Variants in GBE1 observed in about 807,000 individuals in gnomAD.
GBE1 encodes 1,4-alpha-glucan-branching enzyme.
A neutral mutation model predicts 88.8 loss-of-function variants in GBE1; 70 were observed. That is an observed-to-expected ratio of 0.79 (90% CI 0.65 to 0.96). GBE1 has a LOEUF of 0.96. Ranked by LOEUF, GBE1 falls within the 40% of genes least tolerant of loss-of-function variation. The pLI is 0.00. For synonymous variants in GBE1, 284 were observed against 300.1 expected (o/e 0.95, Z 0.56); for missense variants, 872 against 871.0 (o/e 1.00, Z -0.01).
intron 1 of GBE1, among the ~76,000 whole-genome samples, chr3:81,750,669 A>G (rs1277160279): frequency 1.2e-5 from 1 of 80,124 alleles, no homozygotes; most frequent in Non-Finnish European, 2.1e-5. Flanking sequence ...GTATATATAT[A>G]TATACGTATA....
intron 12 of GBE1, among the ~76,000 whole-genome samples, chr3:81,563,679 T>C (rs932411543): frequency 9.2e-5 from 14 of 152,062 alleles, no homozygotes; most frequent in Admixed American, 5.3e-4. Flanking sequence ...GGTTAGAAAA[T>C]GAAACTTTGA....
chr3:81,723,511 AT>A (rs540092241), intron 1 of GBE1, among the ~76,000 whole-genome samples: 10 of 152,194 alleles, frequency 6.6e-5, no homozygotes, highest in African/African-American at 2.2e-4. Flanking sequence ...TTCACCTTAG[AT>A]TTTTTTCTTA....
chr3:81,610,051 G>A (rs1704158599), intron 7 of GBE1, among the ~76,000 whole-genome samples: 1 of 152,176 alleles, frequency 6.6e-6, no homozygotes, highest in African/African-American at 2.4e-5. Context: ...AAAGTGTCAA[G>A]AAAATAATGG....
intron 15 of GBE1, among the ~76,000 whole-genome samples, chr3:81,490,688 G>A (rs536439413): frequency 2.4e-4 from 37 of 152,040 alleles, no homozygotes; most frequent in South Asian, 2.1e-3. Flanking sequence ...ACGACTTAAT[G>A]AAAACCAATG....
At chr3:81,495,405 C>T (rs961943726) in intron 15 of GBE1, among the ~76,000 whole-genome samples, 2 of 152,184 alleles carry the variant, frequency 1.3e-5, no homozygotes, top group Non-Finnish European at 2.9e-5. Context: ...AACAAACAAA[C>T]ATCATTCAAT....
intron 12 of GBE1, among the ~76,000 whole-genome samples, chr3:81,537,693 G>A (rs1038940383): frequency 2.3e-4 from 35 of 152,018 alleles, no homozygotes; most frequent in African/African-American, 6.7e-4. Context: ...GTAAACTTCA[G>A]GTGCTAAGGA....
intron 2 of GBE1, among the ~76,000 whole-genome samples, chr3:81,698,994 AC>A (rs1440167323): frequency 4.0e-5 from 6 of 151,314 alleles, no homozygotes; most frequent in Non-Finnish European, 8.9e-5. Flanking sequence ...CTGAATGCTT[AC>A]TTTAGGTTCA....
At chr3:81,682,238 G>A (rs1471308933) in intron 2 of GBE1, among the ~76,000 whole-genome samples, 2 of 152,136 alleles carry the variant, frequency 1.3e-5, no homozygotes, top group Admixed American at 6.5e-5. Flanking sequence ...CAAGGCAGGA[G>A]GGTTGCTTGA....
chr3:81,658,113 T>C (rs3772909), intron 3 of GBE1, among the ~76,000 whole-genome samples: 45,264 of 152,060 alleles, frequency 0.3, 6,943 homozygotes, highest in East Asian at 0.45. Flanking sequence ...ATAATGTATT[T>C]TTTTTCTTTA....
chr3:81,541,479 A>T (rs1703143382), intron 12 of GBE1, among the ~76,000 whole-genome samples: 2 of 147,004 alleles, frequency 1.4e-5, no homozygotes, highest in South Asian at 4.5e-4. Flanking sequence ...CCAAATTCAT[A>T]TGTTGAAATA....
chr3:81,642,826 C>T lies in GBE1; in HGVS notation c.947G>A (p.Arg316Lys). The T allele has an allele frequency of 6.2e-7, 1 of 1,613,396 alleles. No individual in the cohort carries two copies. The highest frequency in any genetic ancestry group is 8.5e-7 in the Non-Finnish European group (1 of 1,179,442). ...TDSCYFHSGP[R>K]GTHDLWDSRL... ...GCTATCCCAAAGATCATGAGTCCCT[C>T]TAGGTCCAGAATGAAAATAACAGGA... The change falls in exon 7 of 16, where the codon AGA (arginine) becomes AAA (lysine). Residue 316 changes from arginine to lysine, a missense_variant. Transcript: ENST00000429644.
rs1439193280 is a variant in GBE1 at position 81,636,873 on chromosome 3, C to T, written c.992+5908G>A. On this transcript the variant is annotated intron_variant, in intron 7 of 15. Coordinates refer to ENST00000429644, the MANE Select transcript of GBE1 (RefSeq NM_000158.4). ...GCATATAAGGCAGGTGTTTATATGTCTAAAATGATGCTATATTACTTCAAT... is the reference window on the plus strand; with the variant it reads ...GCATATAAGGCAGGTGTTTATATGTTTAAAATGATGCTATATTACTTCAAT... Among the ~76,000 whole-genome samples, 3 of 151,980 alleles carry T rather than the reference C, an allele frequency of 2.0e-5. No individual in the cohort carries two copies. In the East Asian group the frequency reaches 5.8e-4, roughly 29 times the overall value.
At chr3:81,591,234 C>T in intron 8 of GBE1, 70 bp from the exon 9 acceptor site, 1 of 1,179,642 alleles carries the variant, frequency 8.5e-7, no homozygotes, top group Non-Finnish European at 1.2e-6. Flanking sequence ...CAAATACATT[C>T]ACCAATTAGT....
chr3:81,567,885 G>C (rs560002392), intron 12 of GBE1, among the ~76,000 whole-genome samples: 1 of 152,240 alleles, frequency 6.6e-6, no homozygotes, highest in African/African-American at 2.4e-5. Flanking sequence ...TCTTTAAAAT[G>C]CATCTGAAGT....
chr3:81,706,691 T>C (rs1168810983), intron 1 of GBE1, among the ~76,000 whole-genome samples: 1 of 152,088 alleles, frequency 6.6e-6, no homozygotes, highest in Non-Finnish European at 1.5e-5. Context: ...CTTAGCTACA[T>C]AGAAAATGGA....
intron 2 of GBE1, among the ~76,000 whole-genome samples, chr3:81,699,234 T>C (rs1705649554): frequency 6.6e-6 from 1 of 152,186 alleles, no homozygotes; most frequent in African/African-American, 2.4e-5. Context: ...GAAATGTCTA[T>C]TGAACAAACG....
intron 1 of GBE1, among the ~76,000 whole-genome samples, chr3:81,719,966 T>C (rs1705999421): frequency 6.6e-6 from 1 of 152,158 alleles, no homozygotes; most frequent in Non-Finnish European, 1.5e-5. Flanking sequence ...ACAGGATAAA[T>C]GAATCAGTTA....
At chr3:81,754,073 C>A (rs1411087125) in intron 1 of GBE1, among the ~76,000 whole-genome samples, 1 of 151,994 alleles carries the variant, frequency 6.6e-6, no homozygotes, top group Non-Finnish European at 1.5e-5. Flanking sequence ...AAGACTCCAC[C>A]CAAAAGCTGT....
intron 12 of GBE1, among the ~76,000 whole-genome samples, chr3:81,576,785 G>A (rs941135630): frequency 1.3e-5 from 2 of 151,234 alleles, no homozygotes; most frequent in Admixed American, 6.6e-5. Flanking sequence ...CCTGAGAATA[G>A]AGGATACACC....
Sources: allele counts gnomAD v4.1 joint callset (sites outside exome capture counted in the v4.1 genomes callset), GRCh38; gene constraint gnomAD v4.1.1; transcripts MANE v1.5; gene names NCBI Gene and HGNC (gene_info 2026-07-23, HGNC 2026-07-21).